Variants in SNTG1 observed in about 807,000 individuals in gnomAD.
The protein encoded by SNTG1 is syntrophin gamma 1, also known as gamma-1-syntrophin.
In SNTG1, 39 loss-of-function variants were observed where a neutral mutation model predicts 74.7. The observed-to-expected ratio is 0.52, with a 90% CI of 0.40 to 0.68. SNTG1 has a LOEUF of 0.68. Ranked by LOEUF, SNTG1 falls within the 30% of genes least tolerant of loss-of-function variation. The pLI, the probability that SNTG1 is intolerant of heterozygous loss-of-function variation, is 0.00. For missense variants in SNTG1, 685 were observed against 609.5 expected (o/e 1.12, Z -1.30); for synonymous variants, 254 against 217.1 (o/e 1.17, Z -1.49).
At chr8:50,222,535 T>C (rs1432570269) in intron 2 of SNTG1, among the ~76,000 whole-genome samples, 2 of 152,220 alleles carry the variant, frequency 1.3e-5, no homozygotes, top group African/African-American at 2.4e-5. Flanking sequence ...TATGATAAAG[T>C]GTTTTCAACT....
intron 2 of SNTG1, among the ~76,000 whole-genome samples, chr8:50,298,509 C>G (rs1424493294): frequency 6.6e-6 from 1 of 152,174 alleles, no homozygotes; most frequent in Non-Finnish European, 1.5e-5. Context: ...AAATTTCCCT[C>G]AGCTCTCATG....
chr8:50,641,180 G>A (rs1008532728), intron 13 of SNTG1, among the ~76,000 whole-genome samples: 3 of 152,018 alleles, frequency 2.0e-5, no homozygotes, highest in South Asian at 2.1e-4. Context: ...TGAAGTACAC[G>A]CCTAAAGCAA....
At chr8:50,211,073 G>T (rs925226048) in intron 2 of SNTG1, among the ~76,000 whole-genome samples, 10 of 151,984 alleles carry the variant, frequency 6.6e-5, no homozygotes, top group Non-Finnish European at 1.5e-4. Context: ...TTGGAATATG[G>T]GTGTTACAAA....
At chr8:50,350,162 C>A (rs902022276) in intron 2 of SNTG1, among the ~76,000 whole-genome samples, 1 of 152,130 alleles carries the variant, frequency 6.6e-6, no homozygotes, top group Admixed American at 6.5e-5. Context: ...AGGGTCAGGG[C>A]TCTGGACCTG....
At chr8:50,230,217 A>G (rs780381949) in intron 2 of SNTG1, among the ~76,000 whole-genome samples, 5 of 151,522 alleles carry the variant, frequency 3.3e-5, no homozygotes, top group Non-Finnish European at 5.9e-5. Context: ...TAAAGCAGAA[A>G]TCAATGAAAC....
chr8:50,753,003 T>C (rs1424096779), intron 18 of SNTG1, among the ~76,000 whole-genome samples: 1 of 152,024 alleles, frequency 6.6e-6, no homozygotes, highest in Non-Finnish European at 1.5e-5. Context: ...GGTTGTGTAA[T>C]GTGGGAACTG....
At chr8:50,479,681 A>G (rs996742122) in intron 8 of SNTG1, among the ~76,000 whole-genome samples, 1 of 151,980 alleles carries the variant, frequency 6.6e-6, no homozygotes, top group Non-Finnish European at 1.5e-5. Flanking sequence ...TTGGTCTAGC[A>G]CAGGGTGGAC....
chr8:50,694,289 C>A (rs2095395009), intron 15 of SNTG1, among the ~76,000 whole-genome samples: 2 of 151,270 alleles, frequency 1.3e-5, no homozygotes, highest in South Asian at 4.2e-4. Context: ...TACAAAGGAT[C>A]ATAAACAAAT....
chr8:50,730,089 G>T (rs552461074), intron 17 of SNTG1, among the ~76,000 whole-genome samples: 1 of 152,004 alleles, frequency 6.6e-6, no homozygotes, highest in African/African-American at 2.4e-5. Context: ...AGAGGAGACT[G>T]GAAGAAAAAA....
intron 4 of SNTG1, among the ~76,000 whole-genome samples, chr8:50,429,117 A>G (rs1325029543): frequency 6.6e-6 from 1 of 152,082 alleles, no homozygotes; most frequent in Non-Finnish European, 1.5e-5. Context: ...ATCCCAGCTA[A>G]TTTCCTTGCA....
intron 2 of SNTG1, among the ~76,000 whole-genome samples, chr8:50,259,441 G>A (rs1351722069): frequency 6.6e-6 from 1 of 150,386 alleles, no homozygotes; most frequent in Non-Finnish European, 1.5e-5. Flanking sequence ...GGAGGTGGCA[G>A]GGAGCCAATG....
intron 2 of SNTG1, among the ~76,000 whole-genome samples, chr8:50,257,339 A>G (rs1017773451): frequency 2.6e-5 from 4 of 152,162 alleles, no homozygotes; most frequent in African/African-American, 9.7e-5. Context: ...TGCCATTTAC[A>G]TCTAGCACCC....
intron 1 of SNTG1, among the ~76,000 whole-genome samples, chr8:50,010,920 A>G (rs1815731667): frequency 6.6e-6 from 1 of 151,534 alleles, no homozygotes; most frequent in African/African-American, 2.4e-5. Flanking sequence ...TCTTCATATC[A>G]TCACACCATT....
intron 1 of SNTG1, among the ~76,000 whole-genome samples, chr8:50,057,554 T>C (rs1255450228): frequency 2.0e-5 from 3 of 152,058 alleles, no homozygotes; most frequent in Non-Finnish European, 4.4e-5. Context: ...AATTACATAA[T>C]CTCCCCAAGC....
intron 17 of SNTG1, among the ~76,000 whole-genome samples, chr8:50,713,096 A>T (rs1484252522): frequency 6.6e-6 from 1 of 152,158 alleles, no homozygotes; most frequent in Non-Finnish European, 1.5e-5. Context: ...ACAATGGTTG[A>T]ACTAATTTAC....
At chr8:50,450,752 T>C (rs756934647) in intron 8 of SNTG1, 23 bp downstream of exon 8, 2 of 1,609,602 alleles carry the variant, frequency 1.2e-6, no homozygotes, top group South Asian at 2.2e-5. Context: ...TTTCCTAATG[T>C]CATAGTTTTC....
At chr8:49,956,858 T>TC (rs879695604) in intron 1 of SNTG1, among the ~76,000 whole-genome samples, 3 of 152,146 alleles carry the variant, frequency 2.0e-5, no homozygotes, top group Non-Finnish European at 4.4e-5. Context: ...AGTCTCTCTC[T>TC]TTTTTAAAGA....
intron 2 of SNTG1, among the ~76,000 whole-genome samples, chr8:50,296,149 G>GA (rs2089359453): frequency 6.6e-6 from 1 of 152,136 alleles, no homozygotes; most frequent in Non-Finnish European, 1.5e-5. Context: ...CTAGGTAATG[G>GA]AAAGACTGTG....
chr8:50,729,651 A>G (rs1640774686), intron 17 of SNTG1, among the ~76,000 whole-genome samples: 1 of 152,152 alleles, frequency 6.6e-6, no homozygotes, highest in Non-Finnish European at 1.5e-5. Context: ...TTTGAATTTC[A>G]TAGAGTAGTA....
Sources: gnomAD v4.1 joint callset for allele counts (sites outside exome capture counted in the v4.1 genomes callset) on GRCh38, gnomAD v4.1.1 for gene constraint, MANE v1.5 for transcripts, NCBI Gene and HGNC (gene_info 2026-07-23, HGNC 2026-07-21) for gene names.